The following SKA2 variants were observed in gnomAD, a reference collection of about 807,000 sequenced individuals.
The protein encoded by SKA2 is spindle and kinetochore associated complex subunit 2.
In SKA2, 13 loss-of-function variants were observed where a neutral mutation model predicts 16.9. The ratio of observed to expected loss-of-function variants is 0.77; its 90% CI spans 0.50 to 1.22. SKA2 has a LOEUF of 1.22. Among genes scored for constraint, SKA2 ranks in the 50% most tolerant of loss-of-function variants. The pLI is 0.00. For synonymous variants in SKA2, 47 were observed against 48.5 expected (o/e 0.97, Z 0.13); for missense variants, 107 against 139.7 (o/e 0.77, Z 1.18).
chr17:59,114,116 G>A (rs1466846587), intron 3 of SKA2, among the ~76,000 whole-genome samples: 3 of 152,122 alleles, frequency 2.0e-5, no homozygotes, highest in Non-Finnish European at 4.4e-5. Context: ...CCTACTTCCA[G>A]ACTATCCTTA....
chr17:59,110,761 C>T lies in SKA2; in HGVS notation c.*1516G>A, dbSNP rs895568147. ...CTGAGAGCGTACCACTGCATTCCAG[C>T]CTGGGCAACAGAGTGAGACTCCGTC... is the stretch of plus-strand genomic sequence containing the variant. On this transcript the variant is annotated 3_prime_UTR_variant, in exon 4 of 4. Coordinates refer to ENST00000330137, the MANE Select transcript of SKA2 (RefSeq NM_182620.4). The T allele has an allele frequency of 4.8e-5, 7 of 144,410 alleles. No homozygotes were observed. Among genetic ancestry groups the T allele is most frequent in the African/African-American group, 1.6e-4 (6 of 38,532 alleles). 8.9% of individuals were successfully genotyped at this position (144,410 alleles called of 1,614,324 possible).
chr17:59,119,069 T>G (rs1014530402), intron 3 of SKA2, among the ~76,000 whole-genome samples: 1 of 152,176 alleles, frequency 6.6e-6, no homozygotes, highest in Non-Finnish European at 1.5e-5. Context: ...ATTTTATAAG[T>G]ATTACCAAGT....
chr17:59,129,747 C>T (rs1460936967), intron 2 of SKA2, among the ~76,000 whole-genome samples: 2 of 151,228 alleles, frequency 1.3e-5, no homozygotes, highest in African/African-American at 4.9e-5. Flanking sequence ...CCCAGCTACT[C>T]GGGAGGCTGA....
intron 2 of SKA2, chr17:59,124,275 A>G (rs1169678430): frequency 6.6e-6 from 1 of 151,974 alleles, no homozygotes; most frequent in African/African-American, 2.4e-5. Context: ...ACTAAAATAC[A>G]AAAAATTAGA....
At chr17:59,112,421 T>C in intron 3 of SKA2, 76 bp from the exon 4 acceptor site, 1 of 1,063,224 alleles carries the variant, frequency 9.4e-7, no homozygotes, top group South Asian at 1.4e-5. Flanking sequence ...TTCTGCATTG[T>C]CACACCAATA....
intron 3 of SKA2, among the ~76,000 whole-genome samples, chr17:59,114,129 C>T (rs2046281656): frequency 1.3e-5 from 2 of 152,150 alleles, no homozygotes; most frequent in Non-Finnish European, 2.9e-5. Context: ...TATCCTTACT[C>T]ACATGTCATT....
intron 2 of SKA2, among the ~76,000 whole-genome samples, chr17:59,128,216 G>GA (rs542313393): frequency 3.8e-4 from 53 of 138,166 alleles, no homozygotes; most frequent in Middle Eastern, 3.6e-3. Context: ...CTCCATCTCA[G>GA]AAAAAAAAAA....
intron 1 of SKA2, among the ~76,000 whole-genome samples, chr17:59,154,424 C>T (rs1295113934): frequency 6.6e-6 from 1 of 152,152 alleles, no homozygotes; most frequent in Non-Finnish European, 1.5e-5. Flanking sequence ...ATTCTTCGCC[C>T]CCGTTTTCTA....
intron 1 of SKA2, among the ~76,000 whole-genome samples, chr17:59,136,270 C>T (rs2046444447): frequency 1.3e-5 from 2 of 152,004 alleles, no homozygotes; most frequent in Admixed American, 6.6e-5. Flanking sequence ...TCAAGAGATT[C>T]TCCTGCCTCA....
At chr17:59,140,268 C>T (rs1367363395) in intron 1 of SKA2, among the ~76,000 whole-genome samples, 2 of 151,212 alleles carry the variant, frequency 1.3e-5, no homozygotes, top group Middle Eastern at 3.4e-3. Flanking sequence ...TCGCTCTTGT[C>T]CCCCAGGCTG....
chr17:59,144,051 G>A (rs992120484), intron 1 of SKA2, among the ~76,000 whole-genome samples: 3 of 152,044 alleles, frequency 2.0e-5, no homozygotes, highest in Non-Finnish European at 4.4e-5. Flanking sequence ...AGCTACTCGG[G>A]AGGCTGAGTC....
chr17:59,151,293 G>C, intron 1 of SKA2: 1 of 436,392 alleles, frequency 2.3e-6, no homozygotes, highest in South Asian at 1.7e-5. Flanking sequence ...TTTAAAGTAG[G>C]GTTGCCATTT....
chr17:59,137,399 A>T (rs2046453993), intron 1 of SKA2, among the ~76,000 whole-genome samples: 3 of 152,220 alleles, frequency 2.0e-5, no homozygotes, highest in Admixed American at 2.0e-4. Flanking sequence ...CTAGTCAACT[A>T]AAAATTCCCT....
chr17:59,132,587 C>T (rs1039405230), intron 1 of SKA2, among the ~76,000 whole-genome samples: 7 of 152,124 alleles, frequency 4.6e-5, no homozygotes, highest in Non-Finnish European at 8.8e-5. Context: ...TCAGTTGAAC[C>T]GAGGAAGCGG....
intron 2 of SKA2, among the ~76,000 whole-genome samples, chr17:59,130,457 CAAAAAAAAAAAA>C (rs569934567): frequency 8.5e-5 from 6 of 70,394 alleles, no homozygotes; most frequent in Non-Finnish European, 1.5e-4. Flanking sequence ...ACTAAAAATA[CAAAAAAAAAAAA>C]AAAAAAAAAA....
chr17:59,112,385 C>T (rs1475656890), intron 3 of SKA2, 40 bp from the exon 4 acceptor site: 1 of 1,503,856 alleles, frequency 6.6e-7, no homozygotes, highest in Non-Finnish European at 9.2e-7. Context: ...CAAAAACTTT[C>T]AAAGACTTAA....
intron 3 of SKA2, 132 bp downstream of exon 3, chr17:59,119,187 G>A (rs2046315839): frequency 4.6e-6 from 4 of 878,148 alleles, no homozygotes; most frequent in Non-Finnish European, 6.8e-6. Context: ...ATACTTCAGG[G>A]TATCAGGAAA....
Position 59,155,186 on chromosome 17 carries a change from G to T in SKA2, c.-23C>A. ...CATGTTGAATAGTTGACATTCCGCAGACCGCGGCGGCGCTTAAGCCGCAAG... is the reference window on the plus strand; with the variant it reads ...CATGTTGAATAGTTGACATTCCGCATACCGCGGCGGCGCTTAAGCCGCAAG... On this transcript the variant is annotated 5_prime_UTR_variant, in exon 1 of 4. In the 5' UTR this introduces an upstream ATG that the reference lacks. Coordinates refer to ENST00000330137, the MANE Select transcript of SKA2 (RefSeq NM_182620.4). 1.9e-6 allele frequency: 3 copies of T among 1,613,696 alleles called. No homozygotes were observed. In the African/African-American group the frequency reaches 4.0e-5, roughly 22 times the overall value.
chr17:59,137,476 T>TC (rs1462769454), intron 1 of SKA2, among the ~76,000 whole-genome samples: 2 of 152,192 alleles, frequency 1.3e-5, no homozygotes, highest in Non-Finnish European at 2.9e-5. Context: ...GAAATTCTAG[T>TC]CCTAGTATCA....
Sources: allele counts gnomAD v4.1 joint callset (sites outside exome capture counted in the v4.1 genomes callset), GRCh38; gene constraint gnomAD v4.1.1; transcripts MANE v1.5; gene names NCBI Gene and HGNC (gene_info 2026-07-23, HGNC 2026-07-21).